The following DCAF1 variants were observed in gnomAD, a reference collection of about 807,000 sequenced individuals.
The protein encoded by DCAF1 is DDB1- and CUL4-associated factor 1.
A neutral mutation model predicts 128.0 loss-of-function variants in DCAF1; 15 were observed. That is an observed-to-expected ratio of 0.12 (90% CI 0.08 to 0.18). DCAF1 has a LOEUF of 0.18. Among genes scored for constraint, DCAF1 ranks in the 10% least tolerant of loss-of-function variants. DCAF1 has a pLI of 1.00. For missense variants in DCAF1, 988 were observed against 1,649.5 expected, an observed-to-expected ratio of 0.60 and a Z score of 6.95; for synonymous variants, 610 against 603.0, an observed-to-expected ratio of 1.01 and a Z score of -0.17.
downstream of DCAF1, chr3:51,396,234 G>A (rs1370809901): frequency 1.0e-5 from 3 of 286,698 alleles, no homozygotes; most frequent in Non-Finnish European, 2.0e-5. Context: ...GCTAGAAAAC[G>A]TGCCTAGAGA....
intron 15 of DCAF1, 44 bp from the exon 16 acceptor site, chr3:51,418,920 G>A: frequency 6.5e-7 from 1 of 1,530,924 alleles, no homozygotes; most frequent in Non-Finnish European, 8.8e-7. Flanking sequence ...AATGTGCAGG[G>A]ACTCAGAAAA....
At chr3:51,423,819 C>CAA (rs200404018) in intron 13 of DCAF1, among the ~76,000 whole-genome samples, 56 of 70,642 alleles carry the variant, frequency 7.9e-4, no homozygotes, top group Admixed American at 4.6e-3. Context: ...GACTCCGTTT[C>CAA]AAAAAAAAAA....
At chr3:51,417,744 A>AAAAGG (rs1207779674) in intron 17 of DCAF1, among the ~76,000 whole-genome samples, 6 of 147,624 alleles carry the variant, frequency 4.1e-5, no homozygotes, top group Admixed American at 2.7e-4. Flanking sequence ...AAAGAAAAAA[A>AAAAGG]AAAGGAAAGG....
chr3:51,421,177 G>GT (rs1362737304), intron 14 of DCAF1, among the ~76,000 whole-genome samples, 180 bp from the exon 15 acceptor site: 1 of 152,002 alleles, frequency 6.6e-6, no homozygotes, highest in Non-Finnish European at 1.5e-5. Flanking sequence ...TATTTTTATG[G>GT]TATCTCATAT....
At chr3:51,423,819 CAAAAAAA>C (rs200404018) in intron 13 of DCAF1, among the ~76,000 whole-genome samples, 6 of 70,698 alleles carry the variant, frequency 8.5e-5, no homozygotes, top group South Asian at 5.1e-4. Flanking sequence ...GACTCCGTTT[CAAAAAAA>C]AAAAAAAAAA....
At chr3:51,425,018 A>G (rs996407361) in intron 13 of DCAF1, among the ~76,000 whole-genome samples, 1 of 152,212 alleles carries the variant, frequency 6.6e-6, no homozygotes, top group Admixed American at 6.5e-5. Flanking sequence ...AATTTGATTA[A>G]AAGTATAATA....
downstream of DCAF1, chr3:51,396,553 T>C (rs2089218563): frequency 6.0e-6 from 1 of 167,108 alleles, no homozygotes; most frequent in African/African-American, 2.4e-5. Context: ...AGGCCCTGTC[T>C]AAGGTGTTGC....
chr3:51,458,706 C>T (rs1226724436), intron 6 of DCAF1, among the ~76,000 whole-genome samples: 16 of 152,128 alleles, frequency 1.1e-4, no homozygotes, highest in African/African-American at 3.6e-4. Flanking sequence ...GAAATTATAA[C>T]AAACTGTCTC....
intron 2 of DCAF1, among the ~76,000 whole-genome samples, chr3:51,494,061 G>T (rs1280762146): frequency 6.6e-6 from 1 of 151,130 alleles, no homozygotes; most frequent in Non-Finnish European, 1.5e-5. Flanking sequence ...AGTTGCCAAG[G>T]ACTTGAGGAA....
intron 1 of DCAF1, among the ~76,000 whole-genome samples, chr3:51,497,636 A>G (rs1553661796): frequency 1.3e-5 from 2 of 151,836 alleles, no homozygotes; most frequent in African/African-American, 4.8e-5. Flanking sequence ...CAGTGGCTCA[A>G]GCCTGTAATC....
rs566588665 is a variant in DCAF1, at chr3:51,442,654, G to A, written c.514-757C>T. ...GTGGAGGTTGCAGTGAGCCGAGATC[G>A]CGTCATTGCACTCCAGCTTGGGCAA... On this transcript the variant is annotated intron_variant, in intron 7 of 24. Coordinates refer to ENST00000684031, the MANE Select transcript of DCAF1 (RefSeq NM_001387579.1). Among the ~76,000 whole-genome samples the A allele has an allele frequency of 3.9e-4, 60 of 152,074 alleles. 1 individual carries two copies. Among genetic ancestry groups the A allele is most frequent in the African/African-American group, 8.7e-4 (36 of 41,492 alleles).
chr3:51,437,266 C>CAAAAAA lies in DCAF1; in HGVS notation c.1128+3698_1128+3703dup, dbSNP rs71633071. The CAAAAAA allele has an allele frequency of 4.5e-4, 116 of 256,398 alleles. 2 individuals carry two copies. Among genetic ancestry groups the CAAAAAA allele is most frequent in the African/African-American group, 4.8e-4 (10 of 20,910 alleles). 15.9% of individuals were successfully genotyped at this position (256,398 alleles called of 1,614,324 possible). ...CCAGGTGACAGATAAGACTCCATGT[C>CAAAAAA]AAAAAAAAAAAAAAAAAAAAAAAAG... On this transcript the variant is annotated intron_variant, in intron 9 of 24. Coordinates refer to ENST00000684031, the MANE Select transcript of DCAF1 (RefSeq NM_001387579.1).
chr3:51,456,908 T>G (rs1387079650), intron 6 of DCAF1, among the ~76,000 whole-genome samples: 2 of 151,950 alleles, frequency 1.3e-5, no homozygotes, highest in African/African-American at 4.8e-5. Context: ...CAAAAACCCA[T>G]CTGTACGTCA....
At chr3:51,475,975 T>C (rs1163525976) in intron 3 of DCAF1, among the ~76,000 whole-genome samples, 1 of 152,128 alleles carries the variant, frequency 6.6e-6, no homozygotes, top group Non-Finnish European at 1.5e-5. Flanking sequence ...CTCAAGATAA[T>C]AGTCTCTACG....
intron 6 of DCAF1, among the ~76,000 whole-genome samples, chr3:51,460,676 G>A (rs1178266455): frequency 1.3e-5 from 2 of 152,178 alleles, no homozygotes; most frequent in Non-Finnish European, 1.5e-5. Context: ...CAAGGCTACA[G>A]TAACCAAAAC....
intron 3 of DCAF1, among the ~76,000 whole-genome samples, chr3:51,473,978 A>AT (rs112740721): frequency 3.3e-4 from 48 of 145,272 alleles, no homozygotes; most frequent in East Asian, 8.1e-4. Context: ...TCATTTTTGT[A>AT]TTTTTTTTTT....
intron 1 of DCAF1, among the ~76,000 whole-genome samples, chr3:51,497,907 G>T (rs990586501): frequency 6.6e-6 from 1 of 151,632 alleles, no homozygotes; most frequent in African/African-American, 2.4e-5. Flanking sequence ...AAAATTAGCC[G>T]GGCGTGGTGG....
At chr3:51,472,944 G>A (rs1553648936) in intron 3 of DCAF1, among the ~76,000 whole-genome samples, 4 of 151,034 alleles carry the variant, frequency 2.6e-5, no homozygotes, top group Non-Finnish European at 1.5e-5. Flanking sequence ...GGTTATAGGC[G>A]TGAGCCACCA....
At chr3:51,443,205 A>C (rs1553639363) in intron 7 of DCAF1, among the ~76,000 whole-genome samples, 2 of 152,204 alleles carry the variant, frequency 1.3e-5, no homozygotes, top group East Asian at 3.8e-4. Flanking sequence ...ACATGTTTGA[A>C]AATTTTCATA....
Sources: allele counts gnomAD v4.1 joint callset (sites outside exome capture counted in the v4.1 genomes callset), GRCh38; gene constraint gnomAD v4.1.1; transcripts MANE v1.5; gene names NCBI Gene and HGNC (gene_info 2026-07-23, HGNC 2026-07-21).